The following CMYA5 variants were observed in gnomAD, a reference collection of about 807,000 sequenced individuals.
CMYA5 encodes cardiomyopathy associated 5, also known as cardiomyopathy-associated protein 5.
CMYA5 carries 246 observed loss-of-function variants against 318.9 expected under a neutral mutation model. The ratio of observed to expected loss-of-function variants is 0.77; its 90% CI spans 0.70 to 0.86. The LOEUF is 0.86. Among genes scored for constraint, CMYA5 ranks in the 40% least tolerant of loss-of-function variants. The pLI, the probability that CMYA5 is intolerant of heterozygous loss-of-function variation, is 0.00. For missense variants in CMYA5, 4,589 were observed against 4,678.2 expected (o/e 0.98, Z 0.56); for synonymous variants, 1,641 against 1,729.5 (o/e 0.95, Z 1.27).
intron 6 of CMYA5, among the ~76,000 whole-genome samples, chr5:79,756,268 T>A (rs1028422242): frequency 1.3e-4 from 20 of 152,198 alleles, no homozygotes; most frequent in African/African-American, 3.9e-4. Flanking sequence ...TGCCTTAGCA[T>A]GCAGTTCGCT....
At chr5:79,788,900 A>G in intron 9 of CMYA5, 71 bp from the exon 10 acceptor site, 4 of 1,465,346 alleles carry the variant, frequency 2.7e-6, no homozygotes, top group Non-Finnish European at 3.7e-6. Flanking sequence ...TTCATTCACT[A>G]CCAAATTGAA....
At position 79,729,055 on chromosome 5, in the gene CMYA5, C is replaced by T; in HGVS notation, c.290C>T (p.Ala97Val). The change falls in exon 2 of 13, where the codon GCT becomes GTT. Residue 97 changes from alanine to valine, a missense_variant. Coordinates refer to ENST00000446378, the MANE Select transcript of CMYA5 (RefSeq NM_153610.5). ...TNSSRSSTPWASEESQTSGVC... is the reference protein window; with the variant it reads ...TNSSRSSTPWVSEESQTSGVC... The stretch of plus-strand genomic sequence containing the variant: ...TCAAGTAGATCTTCTACTCCTTGGG[C>T]TTCAGAAGAAAGTCAGACTTCTGGT... 3 of 1,613,932 alleles carry T rather than the reference C, an allele frequency of 1.9e-6. No individual in the cohort carries two copies. The highest frequency in any genetic ancestry group is 3.3e-5 in the Admixed American group (2 of 60,020).
rs1318813673 is a variant in CMYA5 at position 79,718,074 on chromosome 5, A to G, written c.150-10841A>G. ...CGGCTATTTTTTGTAGTTTTAGTAG[A>G]GACGGGGTTTCACCGTTTTAGCCGG... On this transcript the variant is annotated intron_variant, in intron 1 of 12. Coordinates refer to ENST00000446378, the MANE Select transcript of CMYA5 (RefSeq NM_153610.5). Among the ~76,000 whole-genome samples the G allele has an allele frequency of 1.8e-5, 2 of 108,662 alleles. 1 individual carries two copies. Among genetic ancestry groups the G allele is most frequent in the Non-Finnish European group, 3.6e-5 (2 of 55,972 alleles). The allele number at this position is 108,662 out of a possible 152,430, so 71.3% of individuals were successfully genotyped here.
At chr5:79,763,813 G>T (rs1380902301) in intron 9 of CMYA5, among the ~76,000 whole-genome samples, 1 of 152,178 alleles carries the variant, frequency 6.6e-6, no homozygotes, top group East Asian at 1.9e-4. Flanking sequence ...ATCTACCGAG[G>T]TGGTGTTTTC....
intron 4 of CMYA5, among the ~76,000 whole-genome samples, chr5:79,746,392 A>G (rs981788558): frequency 2.6e-5 from 4 of 152,264 alleles, no homozygotes; most frequent in Middle Eastern, 3.4e-3. Flanking sequence ...AACTCATTAC[A>G]TTGTTTTGTG....
chr5:79,759,534 A>G (rs1055167543), intron 7 of CMYA5, among the ~76,000 whole-genome samples: 2 of 152,216 alleles, frequency 1.3e-5, no homozygotes, highest in African/African-American at 4.8e-5. Context: ...AATGGATGGT[A>G]TGTCTTACAG....
Position 79,758,766 on chromosome 5 carries a change from T to A in CMYA5, c.11124T>A (p.Pro3708=). The A allele has an allele frequency of 6.2e-7, 1 of 1,605,186 alleles. No homozygotes were observed. The highest frequency in any genetic ancestry group is 8.5e-7 in the Non-Finnish European group (1 of 1,176,178). The part of the protein sequence containing the change: ...MLKQVAVPQP[P]RLEPQEPNSA... ...TTTATATTCCAGTTCCACAGCCTCC[T>A]AGATTAGAACCTCAGGAACCAAATT... Residue 3708 remains proline, a synonymous_variant, in exon 7 of 13, where the codon CCT becomes CCA. Coordinates refer to ENST00000446378, the MANE Select transcript of CMYA5 (RefSeq NM_153610.5).
chr5:79,767,056 T>G (rs1178537580), intron 9 of CMYA5, among the ~76,000 whole-genome samples: 4 of 152,326 alleles, frequency 2.6e-5, no homozygotes, highest in Middle Eastern at 3.4e-3. Context: ...GTCCAGGAAT[T>G]TATCCATTTC....
rs2151087527 is a variant in CMYA5 at position 79,736,449 on chromosome 5, G to T, written c.7684G>T (p.Val2562Leu). Residue 2562 changes from valine to leucine, a missense_variant, in exon 2 of 13, where the codon GTG (valine) becomes TTG (leucine). Physicochemically the swap from Val to Leu is conservative, Grantham distance 32. Transcript: ENST00000446378. The part of the protein sequence containing the change: ...KKQQEHQPYS[V>L]NVAESMSRES... ...GCAGCAGGAACATCAGCCTTATTCT[G>T]TGAATGTAGCCGAGTCTATGAGTAG... is the stretch of plus-strand genomic sequence containing the variant. 6.2e-7 allele frequency: 1 copy of T among 1,609,428 alleles called. No individual in the cohort carries two copies. Among genetic ancestry groups the T allele is most frequent in the Admixed American group, 1.7e-5 (1 of 59,092 alleles).
intron 9 of CMYA5, chr5:79,774,429 C>G (rs925248311): frequency 1.3e-5 from 2 of 152,250 alleles, no homozygotes; most frequent in Non-Finnish European, 2.9e-5. Context: ...TCTGCTGTTT[C>G]CTCAGCTGTT....
intron 1 of CMYA5, among the ~76,000 whole-genome samples, chr5:79,709,553 C>T (rs1156985084): frequency 6.6e-6 from 1 of 150,480 alleles, no homozygotes. Context: ...CACTTTCATT[C>T]TCTCATGACT....
At chr5:79,745,894 G>A (rs1421775188) in intron 4 of CMYA5, among the ~76,000 whole-genome samples, 1 of 152,212 alleles carries the variant, frequency 6.6e-6, no homozygotes, top group Non-Finnish European at 1.5e-5. Flanking sequence ...AAGGGGCTGA[G>A]AGTAACATTT....
chr5:79,735,829 C>G lies in CMYA5; in HGVS notation c.7064C>G (p.Ser2355Cys). Residue 2355 changes from serine (S) to cysteine (C), a missense_variant, in exon 2 of 13, where the codon TCT (serine) becomes TGT (cysteine). This residue lies in a region of CMYA5 where 2,431 missense variants were observed against 2,495.1 expected (regional missense o/e 0.97). Coordinates refer to ENST00000446378, the MANE Select transcript of CMYA5 (RefSeq NM_153610.5). ...CAGAAGCCAGCAATCGCTCCTCCATCTAAATGGAATATTTCTATTTTTAAG... is the reference window on the plus strand; with the variant it reads ...CAGAAGCCAGCAATCGCTCCTCCATGTAAATGGAATATTTCTATTTTTAAG... Reference protein sequence around the residue: ...RVQKPAIAPPSKWNISIFKEE... With the variant: ...RVQKPAIAPPCKWNISIFKEE... The G allele has an allele frequency of 6.4e-7, 1 of 1,551,576 alleles. No homozygotes were observed.
intron 1 of CMYA5, among the ~76,000 whole-genome samples, chr5:79,714,431 C>CTTTTTCTTTTTTTTTTTTTTTTTTTTT (rs767402291): frequency 1.9e-4 from 19 of 100,680 alleles, no homozygotes; most frequent in African/African-American, 3.4e-4. Flanking sequence ...TTTTCTTTTT[C>CTTTTTCTTTTTTTTTTTTTTTTTTTTT]TTTTTTTTTT....
Position 79,739,275 on chromosome 5 carries a change from C to G in CMYA5, c.10510C>G (p.Leu3504Val). 1.9e-6 allele frequency: 3 copies of G among 1,610,274 alleles called. No homozygotes were observed. Among genetic ancestry groups the G allele is most frequent in the Non-Finnish European group, 2.5e-6 (3 of 1,178,346 alleles). The change falls in exon 2 of 13, where the codon CTG (leucine) becomes GTG (valine). Residue 3504 changes from leucine to valine, a missense_variant. Coordinates refer to ENST00000446378, the MANE Select transcript of CMYA5 (RefSeq NM_153610.5). ...EVVTEKAQKE[L>V]KKSQIDTYCY... is the part of the protein sequence containing the mutation. ...AGTAACTGAAAAGGCACAAAAAGAG[C>G]TGAAAAAGTCCCAGATTGACACATA...
intron 1 of CMYA5, among the ~76,000 whole-genome samples, chr5:79,722,768 A>C (rs985288232): frequency 1.3e-5 from 2 of 151,984 alleles, no homozygotes; most frequent in African/African-American, 2.4e-5. Context: ...CAAGAATGAC[A>C]AAAAAATGAG....
chr5:79,755,144 C>T (rs1828502214), intron 6 of CMYA5, among the ~76,000 whole-genome samples: 1 of 152,178 alleles, frequency 6.6e-6, no homozygotes, highest in Admixed American at 6.5e-5. Context: ...ATTCCAAAGT[C>T]CAGTTTGGTT....
intron 9 of CMYA5, among the ~76,000 whole-genome samples, chr5:79,774,141 C>T (rs1451118164): frequency 1.3e-5 from 2 of 152,220 alleles, no homozygotes; most frequent in Non-Finnish European, 2.9e-5. Flanking sequence ...AATGAGCCTA[C>T]TGTGCCCCCA....
chr5:79,746,996 T>C, intron 4 of CMYA5, 95 bp from the exon 5 acceptor site: 4 of 756,564 alleles, frequency 5.3e-6, no homozygotes, highest in Non-Finnish European at 8.9e-6. Context: ...ATGCTCCTGG[T>C]TGTTTTTTCT....
Sources: allele counts gnomAD v4.1 joint callset (sites outside exome capture counted in the v4.1 genomes callset), GRCh38; gene constraint gnomAD v4.1.1; regional missense constraint gnomAD v4.1.1; transcripts MANE v1.5; gene names NCBI Gene and HGNC (gene_info 2026-07-23, HGNC 2026-07-21).